DMRT1: variants seen among roughly 807,000 people sequenced by gnomAD.
DMRT1 encodes the protein doublesex and mab-3 related transcription factor 1, also known as doublesex- and mab-3-related transcription factor 1.
DMRT1 carries 7 observed loss-of-function variants against 32.3 expected under a neutral mutation model. That is an observed-to-expected ratio of 0.22 (90% CI 0.12 to 0.41). DMRT1 has a LOEUF of 0.41. DMRT1 is among the 10% of genes least tolerant of loss of function. The pLI is 1.00. For synonymous variants in DMRT1, 278 were observed against 206.1 expected (o/e 1.35, Z -2.99); for missense variants, 625 against 500.5 (o/e 1.25, Z -2.37).
At chr9:881,059 T>C (rs1816716691) in intron 2 of DMRT1, among the ~76,000 whole-genome samples, 1 of 152,104 alleles carries the variant, frequency 6.6e-6, no homozygotes, top group African/African-American at 2.4e-5. Context: ...TGCGGGAGGC[T>C]GTCACGCAAA....
intron 2 of DMRT1, among the ~76,000 whole-genome samples, chr9:882,532 C>T (rs1286606748): frequency 6.6e-6 from 1 of 152,072 alleles, no homozygotes; most frequent in African/African-American, 2.4e-5. Context: ...TCCTCCAGGC[C>T]AGGGTTTTGC....
At chr9:919,058 GGGATGC>G (rs1818273414) in intron 4 of DMRT1, among the ~76,000 whole-genome samples, 1 of 152,100 alleles carries the variant, frequency 6.6e-6, no homozygotes, top group Non-Finnish European at 1.5e-5. Flanking sequence ...ATGATGGGTG[GGGATGC>G]GGACATCAGT....
At chr9:844,038 A>T (rs112339477) in intron 1 of DMRT1, among the ~76,000 whole-genome samples, 1,582 of 152,304 alleles carry the variant, frequency 0.01, 23 homozygotes, top group African/African-American at 0.037. Context: ...AATTCTCTAA[A>T]CATTTAGTCG....
intron 4 of DMRT1, among the ~76,000 whole-genome samples, chr9:934,499 C>A (rs1294602304): frequency 6.6e-6 from 1 of 151,928 alleles, no homozygotes; most frequent in Non-Finnish European, 1.5e-5. Flanking sequence ...CCAGCGCTCT[C>A]CAGCTTGGGC....
At chr9:871,455 C>G (rs1283033761) in intron 2 of DMRT1, among the ~76,000 whole-genome samples, 1 of 151,446 alleles carries the variant, frequency 6.6e-6, no homozygotes, top group African/African-American at 2.4e-5. Context: ...GCCTCAGCCT[C>G]CAGAGTAGCT....
intron 2 of DMRT1, among the ~76,000 whole-genome samples, chr9:886,128 T>G (rs1040293419): frequency 6.6e-6 from 1 of 152,216 alleles, no homozygotes; most frequent in Non-Finnish European, 1.5e-5. Context: ...CCATGCAGTT[T>G]TAAAAGTCCG....
intron 4 of DMRT1, among the ~76,000 whole-genome samples, chr9:931,641 C>T (rs1388362518): frequency 6.6e-6 from 1 of 152,198 alleles, no homozygotes; most frequent in Non-Finnish European, 1.5e-5. Context: ...CTTATGTCCT[C>T]ACATGGCTTT....
intron 2 of DMRT1, among the ~76,000 whole-genome samples, chr9:863,665 C>G (rs750590817): frequency 1.3e-5 from 2 of 152,160 alleles, no homozygotes; most frequent in African/African-American, 4.8e-5. Flanking sequence ...CAGAGACTGG[C>G]GTCAGATTTC....
rs1554739423 is a variant in DMRT1, at chr9:842,230, G to GGTTTTTTTTTTTTTT, written c.354+38_354+39insGTTTTTTTTTTTTTT. The GGTTTTTTTTTTTTTT allele has an allele frequency of 2.6e-5, 33 of 1,267,128 alleles. 1 individual carries two copies. The African/African-American group carries it at 5.4e-4, about 21-fold the overall frequency. The allele number at this position is 1,267,128 out of a possible 1,614,324, so 78.5% of individuals were successfully genotyped here. On this transcript the variant is annotated intron_variant, in intron 1 of 4. Transcript: ENST00000382276. ...GTGCGGGAGCCCGGGTTCAGCCTTAGTTTTTTTTTTTTTTTTTTTTTTTAG... is the reference window on the plus strand; with the variant it reads ...GTGCGGGAGCCCGGGTTCAGCCTTAGGTTTTTTTTTTTTTTTTTTTTTTTTTTTTTTTTTTTTTAG...
chr9:907,833 G>A (rs987420605), intron 3 of DMRT1, among the ~76,000 whole-genome samples: 8 of 19,548 alleles, frequency 4.1e-4, no homozygotes, highest in African/African-American at 6.2e-4. Context: ...ATATATATGT[G>A]TGTGTGTGTG....
chr9:962,826 T>A (rs1395124677), intron 4 of DMRT1, among the ~76,000 whole-genome samples: 3 of 152,174 alleles, frequency 2.0e-5, no homozygotes, highest in Non-Finnish European at 2.9e-5. Context: ...CATTATCACT[T>A]AGTTTCACAA....
chr9:882,126 G>A (rs1316625792), intron 2 of DMRT1, among the ~76,000 whole-genome samples: 7 of 152,232 alleles, frequency 4.6e-5, no homozygotes, highest in Non-Finnish European at 8.8e-5. Context: ...GGAAGCTGCA[G>A]AGAGCAGGAA....
chr9:903,913 C>T (rs569896733), intron 3 of DMRT1, among the ~76,000 whole-genome samples: 3 of 152,166 alleles, frequency 2.0e-5, no homozygotes, highest in Non-Finnish European at 4.4e-5. Flanking sequence ...GGTTTTTCAG[C>T]AACCTTCGGA....
At chr9:843,286 A>G (rs1838768688) in intron 1 of DMRT1, among the ~76,000 whole-genome samples, 1 of 152,224 alleles carries the variant, frequency 6.6e-6, no homozygotes, top group South Asian at 2.1e-4. Flanking sequence ...AAGTCGCTGC[A>G]ATGGACACAG....
intron 2 of DMRT1, among the ~76,000 whole-genome samples, chr9:856,586 A>G (rs1383176778): frequency 6.6e-6 from 1 of 152,186 alleles, no homozygotes; most frequent in Non-Finnish European, 1.5e-5. Flanking sequence ...GTTCCTTTAT[A>G]TTAGTAATAT....
chr9:930,803 G>T (rs543687914), intron 4 of DMRT1, among the ~76,000 whole-genome samples: 3 of 152,140 alleles, frequency 2.0e-5, no homozygotes, highest in East Asian at 3.9e-4. Flanking sequence ...GCCTCCAAAA[G>T]CACTTGGATT....
intron 4 of DMRT1, among the ~76,000 whole-genome samples, chr9:924,501 AC>A (rs1564254532): frequency 1.3e-5 from 2 of 152,006 alleles, no homozygotes; most frequent in South Asian, 4.1e-4. Flanking sequence ...TCTCTCATAT[AC>A]TTGTATGTAG....
At chr9:856,599 C>A (rs1003771638) in intron 2 of DMRT1, among the ~76,000 whole-genome samples, 1 of 152,128 alleles carries the variant, frequency 6.6e-6, no homozygotes, top group African/African-American at 2.4e-5. Flanking sequence ...AGTAATATTT[C>A]ATCATATGGA....
At chr9:896,511 T>G (rs142503952) in intron 3 of DMRT1, among the ~76,000 whole-genome samples, 1 of 151,966 alleles carries the variant, frequency 6.6e-6, no homozygotes, top group African/African-American at 2.4e-5. Flanking sequence ...TTCTGTGAGG[T>G]TGACTTTTTA....
Sources: allele counts gnomAD v4.1 joint callset (sites outside exome capture counted in the v4.1 genomes callset), GRCh38; gene constraint gnomAD v4.1.1; transcripts MANE v1.5; gene names NCBI Gene and HGNC (gene_info 2026-07-23, HGNC 2026-07-21).